The following KIT variants were observed in gnomAD, a reference collection of about 807,000 sequenced individuals.
KIT encodes the protein KIT proto-oncogene, receptor tyrosine kinase.
In KIT, 16 loss-of-function variants were observed where a neutral mutation model predicts 105.7. The ratio of observed to expected loss-of-function variants is 0.15; its 90% CI spans 0.10 to 0.23. KIT has a LOEUF of 0.23. Ranked by LOEUF, KIT falls within the 10% of genes least tolerant of loss-of-function variation. The probability of loss-of-function intolerance (pLI) is 1.00; values close to 1 mark genes in which losing one functional copy is unlikely to be tolerated. For synonymous variants in KIT, 438 were observed against 441.1 expected (o/e 0.99, Z 0.09); for missense variants, 858 against 1,213.8 (o/e 0.71, Z 4.36).
intron 14 of KIT, among the ~76,000 whole-genome samples, chr4:54,730,673 G>A (rs915180354): frequency 1.3e-5 from 2 of 152,064 alleles, no homozygotes; most frequent in African/African-American, 2.4e-5. Flanking sequence ...CCTGTGTGAT[G>A]TTCTTTGTGC....
At chr4:54,698,212 G>A (rs1266784618) in intron 2 of KIT, 72 bp from the exon 3 acceptor site, 15 of 1,471,708 alleles carry the variant, frequency 1.0e-5, no homozygotes, top group Non-Finnish European at 1.3e-5. Context: ...CAACATATTA[G>A]ATCTTTTAAA....
chr4:54,698,886 T>C (rs1292827025), intron 3 of KIT, among the ~76,000 whole-genome samples: 1 of 152,210 alleles, frequency 6.6e-6, no homozygotes, highest in African/African-American at 2.4e-5. Context: ...GTAGCTTGAA[T>C]TATGTTGGTT....
At chr4:54,691,162 T>A (rs1719683065) in intron 1 of KIT, among the ~76,000 whole-genome samples, 1 of 152,180 alleles carries the variant, frequency 6.6e-6, no homozygotes, top group African/African-American at 2.4e-5. Context: ...ACTGTTGACA[T>A]CTGTTATAGG....
Position 54,698,441 on chromosome 4 carries a change from C to T in KIT, c.495C>T (p.Asp165=), listed in dbSNP as rs2109673420. 1 of 1,614,162 alleles carries T rather than the reference C, an allele frequency of 6.2e-7. No homozygotes were observed. The change falls in exon 3 of 21, where the codon GAC becomes GAT. Residue 165 remains aspartate, a synonymous_variant. Transcript: ENST00000288135. ...PLPKDLRFIP[D]PKAGIMIKSV... Reference sequence around the variant, plus strand: ...CCAAGGACTTGAGGTTTATTCCTGACCCCAAGGCGGGCATCATGATCAAAA... The same window carrying T: ...CCAAGGACTTGAGGTTTATTCCTGATCCCAAGGCGGGCATCATGATCAAAA...
intron 9 of KIT, 134 bp downstream of exon 9, chr4:54,726,184 C>T (rs1722207521): frequency 2.7e-6 from 2 of 748,204 alleles, no homozygotes; most frequent in Non-Finnish European, 2.3e-6. Flanking sequence ...TGTCATCAAA[C>T]TCACTAAGTT....
chr4:54,716,153 T>C (rs1386412307), intron 7 of KIT, among the ~76,000 whole-genome samples: 1 of 152,232 alleles, frequency 6.6e-6, no homozygotes, highest in Non-Finnish European at 1.5e-5. Flanking sequence ...TTCAGTGTTT[T>C]CCCCATTAGG....
chr4:54,715,252 A>G (rs1363207255), intron 7 of KIT, among the ~76,000 whole-genome samples: 2 of 151,774 alleles, frequency 1.3e-5, no homozygotes, highest in East Asian at 2.0e-4. Context: ...CCAGTTATGG[A>G]TGGTGGAACC....
chr4:54,727,642 AC>A, intron 11 of KIT, 100 bp downstream of exon 11: 1 of 1,515,334 alleles, frequency 6.6e-7, no homozygotes, highest in Non-Finnish European at 9.1e-7. Context: ...TCCACCTGAA[AC>A]AATGAGTTTT....
chr4:54,685,135 C>T (rs758130359), intron 1 of KIT, among the ~76,000 whole-genome samples: 6 of 152,154 alleles, frequency 3.9e-5, no homozygotes, highest in African/African-American at 7.2e-5. Flanking sequence ...CTACTTCAGC[C>T]ACCCTGGGCC....
Position 54,738,933 on chromosome 4 carries a change from C to G in KIT, c.*376C>G. The G allele has an allele frequency of 1.7e-6, 1 of 588,190 alleles. No individual in the cohort carries two copies. The highest frequency in any genetic ancestry group is 3.0e-6 in the Non-Finnish European group (1 of 332,222). The allele number at this position is 588,190 out of a possible 1,614,324, so 36.4% of individuals were successfully genotyped here. On this transcript the variant is annotated 3_prime_UTR_variant, in exon 21 of 21. Transcript: ENST00000288135. ...TAGTAATCACAGTTGGCCTTCAGAACCATCCATAGTAGTATGATGATACAA... is the reference window on the plus strand; with the variant it reads ...TAGTAATCACAGTTGGCCTTCAGAAGCATCCATAGTAGTATGATGATACAA...
chr4:54,676,138 T>C (rs1399096634), intron 1 of KIT, among the ~76,000 whole-genome samples: 1 of 152,230 alleles, frequency 6.6e-6, no homozygotes, highest in East Asian at 1.9e-4. Flanking sequence ...TTTGCTGCGC[T>C]AATGCCCTGA....
chr4:54,670,401 A>G (rs1718024997), intron 1 of KIT, among the ~76,000 whole-genome samples: 1 of 152,156 alleles, frequency 6.6e-6, no homozygotes, highest in African/African-American at 2.4e-5. Context: ...AACTTTAAAG[A>G]GGTTCTTCTA....
At chr4:54,691,529 C>G (rs1195327907) in intron 1 of KIT, among the ~76,000 whole-genome samples, 1 of 152,084 alleles carries the variant, frequency 6.6e-6, no homozygotes, top group African/African-American at 2.4e-5. Context: ...GAAGAATGTT[C>G]TCAGGATCCT....
chr4:54,702,814 T>C (rs1293661853), intron 4 of KIT, among the ~76,000 whole-genome samples: 1 of 152,174 alleles, frequency 6.6e-6, no homozygotes, highest in Non-Finnish European at 1.5e-5. Context: ...GTCAGATGCT[T>C]TAACTCTATT....
intron 1 of KIT, among the ~76,000 whole-genome samples, chr4:54,681,619 T>G (rs1384905974): frequency 6.6e-6 from 1 of 152,180 alleles, no homozygotes; most frequent in Non-Finnish European, 1.5e-5. Context: ...CATAATTAGC[T>G]GAGAAAGGTC....
intron 1 of KIT, among the ~76,000 whole-genome samples, chr4:54,660,577 A>G (rs1464114086): frequency 1.3e-5 from 2 of 152,100 alleles, no homozygotes; most frequent in African/African-American, 4.8e-5. Flanking sequence ...TAAGTTTCGT[A>G]TGACATGTGT....
intron 7 of KIT, among the ~76,000 whole-genome samples, chr4:54,714,971 G>A (rs1721378556): frequency 6.6e-6 from 1 of 152,148 alleles, no homozygotes; most frequent in African/African-American, 2.4e-5. Context: ...TAACTCAGAA[G>A]TCACCAATTT....
rs758521074 is a variant in KIT at position 54,727,555 on chromosome 4, CAG to C, written c.1774+14_1774+15del. 2.5e-6 allele frequency: 4 copies of C among 1,613,868 alleles called. No individual in the cohort carries two copies. The highest frequency in any genetic ancestry group is 3.3e-5 in the Admixed American group (2 of 59,982). On this transcript the variant is annotated intron_variant, in intron 11 of 20. Transcript: ENST00000288135. ...AGGCTGAGTTTTGGTCAGTATGAAA[CAG>C]GGGCTTTCCATGTCACCTTTTTGGG...
chr4:54,713,977 G>C (rs1427951763), intron 7 of KIT, among the ~76,000 whole-genome samples: 1 of 152,120 alleles, frequency 6.6e-6, no homozygotes, highest in Non-Finnish European at 1.5e-5. Context: ...CCATCTTTGA[G>C]TAGAACTTCT....
Sources: gnomAD v4.1 joint callset for allele counts (sites outside exome capture counted in the v4.1 genomes callset) on GRCh38, gnomAD v4.1.1 for gene constraint, MANE v1.5 for transcripts, NCBI Gene and HGNC (gene_info 2026-07-23, HGNC 2026-07-21) for gene names.